Variants in PLPP1 observed in about 807,000 individuals in gnomAD.
PLPP1 encodes lipid phosphate phosphohydrolase 1a.
PLPP1 carries 24 observed loss-of-function variants against 31.2 expected under a neutral mutation model. That is an observed-to-expected ratio of 0.77 (90% CI 0.56 to 1.08). PLPP1 has a LOEUF of 1.08. Among genes scored for constraint, PLPP1 ranks in the 50% least tolerant of loss-of-function variants. The pLI is 0.00. For synonymous variants in PLPP1, 146 were observed against 126.3 expected (o/e 1.16, Z -1.05); for missense variants, 319 against 342.7 (o/e 0.93, Z 0.55).
intron 1 of PLPP1, among the ~76,000 whole-genome samples, chr5:55,488,536 C>A (rs1752821651): frequency 6.6e-6 from 1 of 152,016 alleles, no homozygotes; most frequent in African/African-American, 2.4e-5. Flanking sequence ...GTCCCAGCTA[C>A]TCGGGAGGTC....
chr5:55,521,761 A>G lies in PLPP1; in HGVS notation c.58+12811T>C, dbSNP rs1003190966. Among the ~76,000 whole-genome samples, 4 of 152,328 alleles carry G rather than the reference A, an allele frequency of 2.6e-5. No homozygotes were observed. The East Asian group carries it at 5.8e-4, about 22-fold the overall frequency. ...TATTTTTCCCTTGATCGAAAAATGC[A>G]TACCTATTTTTGGTATCTCCAGTGG... On this transcript the variant is annotated intron_variant, in intron 1 of 5. Transcript: ENST00000307259.
chr5:55,521,035 G>C (rs997073360), intron 1 of PLPP1, among the ~76,000 whole-genome samples: 6 of 150,502 alleles, frequency 4.0e-5, no homozygotes, highest in Non-Finnish European at 8.8e-5. Context: ...AACAGAGTGA[G>C]ACCTCATCTC....
At chr5:55,478,234 T>G (rs1039264047) in intron 1 of PLPP1, among the ~76,000 whole-genome samples, 1 of 152,146 alleles carries the variant, frequency 6.6e-6, no homozygotes, top group African/African-American at 2.4e-5. Context: ...TTTTTCAGGA[T>G]AGTAGGGGAA....
intron 3 of PLPP1, among the ~76,000 whole-genome samples, chr5:55,464,756 T>C (rs1259382574): frequency 6.6e-6 from 1 of 152,188 alleles, no homozygotes; most frequent in African/African-American, 2.4e-5. Context: ...TATAATACTC[T>C]AGAAAACACA....
chr5:55,467,998 T>A lies in PLPP1; in HGVS notation c.362A>T (p.Tyr121Phe). Residue 121 changes from tyrosine to phenylalanine, a missense_variant, in exon 3 of 6, where the codon TAT becomes TTT. Tyr to Phe is a conservative substitution (Grantham distance 22). Coordinates refer to ENST00000307259, the MANE Select transcript of PLPP1 (RefSeq NM_003711.4). ...ASQSLTDIAK[Y>F]SIGRLRPHFL... ...GTGAGGCCGCAGTCTGCCTATTGAA[T>A]ACTTGGCAATGTCAGTCAGGGACTG... 1 of 1,614,224 alleles carries A rather than the reference T, an allele frequency of 6.2e-7. No homozygotes were observed. The highest frequency in any genetic ancestry group is 1.1e-5 in the South Asian group (1 of 91,086).
chr5:55,529,916 T>C lies in PLPP1; in HGVS notation c.58+4656A>G, dbSNP rs1420338428. Reference sequence around the variant, plus strand: ...GATAAAGTACAACAGGGATTCTCTTTCACCATTACATTAGTGAAACATCTT... The same window carrying C: ...GATAAAGTACAACAGGGATTCTCTTCCACCATTACATTAGTGAAACATCTT... On this transcript the variant is annotated intron_variant, in intron 1 of 5. Coordinates refer to ENST00000307259, the MANE Select transcript of PLPP1 (RefSeq NM_003711.4). 7.9e-5 allele frequency among the ~76,000 whole-genome samples: 12 copies of C among 152,236 alleles called. 1 individual carries two copies. The highest frequency in any genetic ancestry group is 1.8e-4 in the Non-Finnish European group (12 of 68,032).
intron 1 of PLPP1, among the ~76,000 whole-genome samples, chr5:55,526,632 A>T (rs1352763773): frequency 2.0e-5 from 3 of 152,178 alleles, no homozygotes; most frequent in Non-Finnish European, 4.4e-5. Flanking sequence ...AAGTTTCCTA[A>T]TAGAAGTTAA....
chr5:55,525,567 C>CT (rs1240663247), intron 1 of PLPP1, among the ~76,000 whole-genome samples: 4 of 152,166 alleles, frequency 2.6e-5, no homozygotes, highest in Non-Finnish European at 5.9e-5. Context: ...AACTCTGGGG[C>CT]TCAAGAGATC....
Position 55,475,310 on chromosome 5 carries a change from T to C in PLPP1, c.199A>G (p.Ser67Gly), listed in dbSNP as rs756700610. The change falls in exon 2 of 6, where the codon AGT (serine) becomes GGT (glycine). Residue 67 changes from serine to glycine, a missense_variant. Transcript: ENST00000307259. Reference protein sequence around the residue: ...ALLGGIIIPFSIIVIILGETL... With the variant: ...ALLGGIIIPFGIIVIILGETL... The stretch of plus-strand genomic sequence containing the variant: ...TGGATTTAACTTACAACGATAATAC[T>C]GAATGGAATGATTATTCCACCTAAT... 1.9e-6 allele frequency: 3 copies of C among 1,608,572 alleles called. No homozygotes were observed. Among genetic ancestry groups the C allele is most frequent in the Non-Finnish European group, 1.7e-6 (2 of 1,178,250 alleles).
At chr5:55,530,065 A>T in intron 1 of PLPP1, 2 of 701,284 alleles carry the variant, frequency 2.9e-6, no homozygotes, top group Non-Finnish European at 5.1e-6. Flanking sequence ...TTATTAATAT[A>T]CACATCAAGT....
intron 1 of PLPP1, among the ~76,000 whole-genome samples, chr5:55,503,781 CGAAGGAGAG>C (rs1346490144): frequency 1.6e-5 from 2 of 121,968 alleles, no homozygotes; most frequent in African/African-American, 3.0e-5. Flanking sequence ...TGTCTCAAAA[CGAAGGAGAG>C]GAAGGGGAGG....
At chr5:55,503,887 G>C (rs1370553833) in intron 1 of PLPP1, among the ~76,000 whole-genome samples, 1 of 57,210 alleles carries the variant, frequency 1.7e-5, no homozygotes, top group Non-Finnish European at 4.4e-5. Context: ...AGAAGTAGAG[G>C]GGGGAGGAAG....
At position 55,426,058 on chromosome 5, in the gene PLPP1, G is replaced by C. The variant is rs778920829; in HGVS notation, c.550-19C>G. On this transcript the variant is annotated intron_variant, in intron 4 of 5. Coordinates refer to ENST00000307259, the MANE Select transcript of PLPP1 (RefSeq NM_003711.4). ...GATAAAGCTAAAAGAAAAGAATAAA[G>C]AAAAAAATAGTTTATTTAACATAAC... The C allele has an allele frequency of 6.4e-7, 1 of 1,552,268 alleles. No individual in the cohort carries two copies. The highest frequency in any genetic ancestry group is 1.4e-5 in the African/African-American group (1 of 71,836).
intron 3 of PLPP1, among the ~76,000 whole-genome samples, chr5:55,453,669 G>A (rs760494339): frequency 1.3e-5 from 2 of 152,122 alleles, no homozygotes; most frequent in African/African-American, 2.4e-5. Context: ...GCCGGATACC[G>A]TTGGCTCCCA....
intron 1 of PLPP1, among the ~76,000 whole-genome samples, chr5:55,527,222 C>A (rs1226292860): frequency 6.6e-6 from 1 of 152,090 alleles, no homozygotes; most frequent in African/African-American, 2.4e-5. Context: ...ACAAAGGGAC[C>A]GCTCCTTAGG....
intron 3 of PLPP1, among the ~76,000 whole-genome samples, chr5:55,452,160 C>G (rs1433736870): frequency 2.6e-5 from 4 of 152,162 alleles, no homozygotes; most frequent in Non-Finnish European, 2.9e-5. Context: ...GGCATCCCCT[C>G]TAAATCTCAT....
chr5:55,470,037 G>T (rs530103155), intron 2 of PLPP1, among the ~76,000 whole-genome samples: 29 of 152,316 alleles, frequency 1.9e-4, no homozygotes, highest in African/African-American at 7.0e-4. Flanking sequence ...TAACATGAAT[G>T]AATTAGTCAG....
intron 1 of PLPP1, chr5:55,530,431 G>A (rs1740623658): frequency 7.9e-7 from 1 of 1,258,706 alleles, no homozygotes; most frequent in Non-Finnish European, 1.2e-6. Context: ...TTATAAGTAG[G>A]ATGACCAGAA....
intron 4 of PLPP1, among the ~76,000 whole-genome samples, chr5:55,438,960 G>A (rs7708512): frequency 0.61 from 91,984 of 151,794 alleles, 28,734 homozygotes; most frequent in Middle Eastern, 0.71. Context: ...ATTCAGGGCT[G>A]AAATAAAAGC....
Sources: allele counts gnomAD v4.1 joint callset (sites outside exome capture counted in the v4.1 genomes callset), GRCh38; gene constraint gnomAD v4.1.1; transcripts MANE v1.5; gene names NCBI Gene and HGNC (gene_info 2026-07-23, HGNC 2026-07-21).